CREBRF: variants seen among roughly 807,000 people sequenced by gnomAD.
CREBRF encodes CREB3 regulatory factor.
A neutral mutation model predicts 66.1 loss-of-function variants in CREBRF; 5 were observed. That is an observed-to-expected ratio of 0.08 (90% CI 0.04 to 0.16). The LOEUF is 0.16. Ranked by LOEUF, CREBRF falls within the 10% of genes least tolerant of loss-of-function variation. The pLI is 1.00. For synonymous variants in CREBRF, 229 were observed against 264.4 expected, an observed-to-expected ratio of 0.87 and a Z score of 1.30; for missense variants, 531 against 744.9, an observed-to-expected ratio of 0.71 and a Z score of 3.34.
At chr5:173,107,817 ATTTTTTT>A (rs559120882) in intron 4 of CREBRF, among the ~76,000 whole-genome samples, 36 of 121,842 alleles carry the variant, frequency 3.0e-4, no homozygotes, top group African/African-American at 7.1e-4. Flanking sequence ...TCTCTACAAA[ATTTTTTT>A]TTTTTTTTTT....
intron 7 of CREBRF, among the ~76,000 whole-genome samples, chr5:173,117,647 TC>T (rs1287739568): frequency 5.3e-5 from 2 of 37,706 alleles, no homozygotes; most frequent in Non-Finnish European, 8.0e-5. Context: ...CCTTCTCTCC[TC>T]TCTCTCTCTC....
At chr5:173,086,843 C>T (rs1043067754) in intron 3 of CREBRF, among the ~76,000 whole-genome samples, 1 of 152,082 alleles carries the variant, frequency 6.6e-6, no homozygotes, top group Middle Eastern at 3.4e-3. Context: ...GTGGTGTGAT[C>T]TTGGCTCACT....
In CREBRF at chr5:173,137,225, G is replaced by A. The variant is rs1031813410; in HGVS notation, c.*3480G>A. The A allele has an allele frequency of 2.0e-5, 3 of 151,952 alleles. No individual in the cohort carries two copies. Among genetic ancestry groups the A allele is most frequent in the Non-Finnish European group, 2.9e-5 (2 of 67,922 alleles). The allele number at this position is 151,952 out of a possible 1,614,324, so 9.4% of individuals were successfully genotyped here. ...CTTACTTGTACATTTAAAACTAAAC[G>A]TCTTCATTCCCTTCCACTTCCTACA... On this transcript the variant is annotated 3_prime_UTR_variant, in exon 9 of 9. Transcript: ENST00000296953.
intron 4 of CREBRF, among the ~76,000 whole-genome samples, chr5:173,093,540 A>G (rs888409049): frequency 6.6e-6 from 1 of 152,194 alleles, no homozygotes; most frequent in African/African-American, 2.4e-5. Flanking sequence ...GTTTTGAAAC[A>G]AGATATGGCT....
chr5:173,132,726 A>G (rs867199603), intron 8 of CREBRF, among the ~76,000 whole-genome samples: 3 of 147,350 alleles, frequency 2.0e-5, no homozygotes, highest in Admixed American at 6.8e-5. Flanking sequence ...CAGCCTCCCG[A>G]GTAGCTGGGA....
At chr5:173,063,485 A>G (rs1757343219) in intron 1 of CREBRF, among the ~76,000 whole-genome samples, 1 of 151,988 alleles carries the variant, frequency 6.6e-6, no homozygotes, top group South Asian at 2.1e-4. Context: ...TTCCTGTCTC[A>G]GCCTCCTGAG....
At chr5:173,100,634 G>A (rs751300883) in intron 4 of CREBRF, among the ~76,000 whole-genome samples, 3 of 152,168 alleles carry the variant, frequency 2.0e-5, no homozygotes, top group East Asian at 3.9e-4. Context: ...ATGTTGGCCC[G>A]GCTAGTCTCA....
chr5:173,116,696 C>G (rs940045970), intron 7 of CREBRF, among the ~76,000 whole-genome samples: 1 of 150,942 alleles, frequency 6.6e-6, no homozygotes, highest in Admixed American at 6.6e-5. Context: ...TATTTGTGTA[C>G]AAGTATTTGG....
chr5:173,074,609 AATTTTTATTT>A (rs1757705843), intron 1 of CREBRF, among the ~76,000 whole-genome samples: 2 of 150,974 alleles, frequency 1.3e-5, no homozygotes, highest in African/African-American at 4.9e-5. Flanking sequence ...TATTTTTTAA[AATTTTTATTT>A]ATTTTTATTT....
At chr5:173,074,841 G>A (rs1404739849) in intron 1 of CREBRF, among the ~76,000 whole-genome samples, 1 of 152,010 alleles carries the variant, frequency 6.6e-6, no homozygotes, top group African/African-American at 2.4e-5. Context: ...GGCTGGTCTC[G>A]AACTCCTGAC....
chr5:173,056,695 CCCCGG>C (rs1039809222), intron 1 of CREBRF, among the ~76,000 whole-genome samples: 1 of 152,020 alleles, frequency 6.6e-6, no homozygotes, highest in African/African-American at 2.4e-5. Context: ...CCTCCCCCAC[CCCCGG>C]CCCGGGACGG....
In CREBRF at chr5:173,090,745, A is replaced by G. The variant is rs1397140996; in HGVS notation, c.566A>G (p.Lys189Arg). 1 of 1,614,086 alleles carries G rather than the reference A, an allele frequency of 6.2e-7. No homozygotes were observed. The highest frequency in any genetic ancestry group is 1.3e-5 in the African/African-American group (1 of 74,956). Residue 189 changes from lysine to arginine, a missense_variant, in exon 4 of 9, where the codon AAG (lysine) becomes AGG (arginine). Lys to Arg is a conservative substitution (Grantham distance 26, BLOSUM62 2). Transcript: ENST00000296953. The surrounding 1 kb of genome is among the most constrained non-coding windows in gnomAD (Gnocchi z 4.5). ...SRAAAPVCSS[K>R]TLQAEVPLSD... Reference sequence around the variant, plus strand: ...GCAGCTGCTCCTGTGTGTTCTTCTAAGACTCTGCAGGCTGAGGTCCCTTTG... The same window carrying G: ...GCAGCTGCTCCTGTGTGTTCTTCTAGGACTCTGCAGGCTGAGGTCCCTTTG...
chr5:173,117,605 C>T, intron 7 of CREBRF, among the ~76,000 whole-genome samples: 1 of 57,356 alleles, frequency 1.7e-5, no homozygotes, highest in Non-Finnish European at 4.1e-5. Context: ...TTCCTTCCAT[C>T]CCTCCCTCCC....
chr5:173,090,267 T>C lies in CREBRF; in HGVS notation c.136-48T>C. ...CAGTTTGACATATGGAGGTGAATAT[T>C]TCCTTCTGAAATATGATGTGCAATT... On this transcript the variant is annotated intron_variant, in intron 3 of 8. Coordinates refer to ENST00000296953, the MANE Select transcript of CREBRF (RefSeq NM_153607.3). This position sits in a 1 kb window ranked among gnomAD's most constrained non-coding sequence, Gnocchi z 4.5. The C allele has an allele frequency of 6.7e-7, 1 of 1,482,614 alleles. No individual in the cohort carries two copies. Among genetic ancestry groups the C allele is most frequent in the South Asian group, 1.3e-5 (1 of 75,454 alleles). 91.8% of individuals were successfully genotyped at this position (1,482,614 alleles called of 1,614,324 possible).
intron 1 of CREBRF, among the ~76,000 whole-genome samples, chr5:173,056,787 G>A (rs1213518978): frequency 6.6e-6 from 1 of 151,980 alleles, no homozygotes; most frequent in Non-Finnish European, 1.5e-5. Flanking sequence ...GGCAGCGCCG[G>A]GCGTCCGTCC....
rs70984937 is a variant in CREBRF at position 173,082,908 on chromosome 5, C to CAAAAAAAAAAAAA, written c.9+2150_9+2162dup. Reference sequence around the variant, plus strand: ...TGAGCGACGGAGCGAGACTCTGTCTCAAAAAAAAAAAAAAAAAAAAAAAAA... The same window carrying CAAAAAAAAAAAAA: ...TGAGCGACGGAGCGAGACTCTGTCTCAAAAAAAAAAAAAAAAAAAAAAAAAAAAAAAAAAAAAA... On this transcript the variant is annotated intron_variant, in intron 2 of 8. Transcript: ENST00000296953. 1.2e-3 allele frequency among the ~76,000 whole-genome samples: 34 copies of CAAAAAAAAAAAAA among 29,018 alleles called. 6 individuals carry two copies. Among genetic ancestry groups the CAAAAAAAAAAAAA allele is most frequent in the South Asian group, 4.9e-3 (2 of 408 alleles). The allele number at this position is 29,018 out of a possible 152,430, so 19.0% of individuals were successfully genotyped here. A position where few individuals can be genotyped will look rare whatever the true frequency, so the allele number is the denominator to read the frequency against.
chr5:173,130,030 G>C (rs993289078), intron 8 of CREBRF, among the ~76,000 whole-genome samples: 1 of 152,052 alleles, frequency 6.6e-6, no homozygotes, highest in Non-Finnish European at 1.5e-5. Context: ...TCACCATGTT[G>C]TTCAGGCTGG....
intron 1 of CREBRF, among the ~76,000 whole-genome samples, chr5:173,058,031 G>A (rs929749937): frequency 6.8e-6 from 1 of 146,262 alleles, no homozygotes; most frequent in Non-Finnish European, 1.5e-5. Context: ...TCAAGGCCTG[G>A]AATTTCTTTT....
At chr5:173,068,014 T>G (rs984552319) in intron 1 of CREBRF, 10 of 333,874 alleles carry the variant, frequency 3.0e-5, no homozygotes, top group Non-Finnish European at 4.8e-5. Flanking sequence ...AAAAAAAATC[T>G]TCAGTTAATT....
Sources: gnomAD v4.1 joint callset for allele counts (sites outside exome capture counted in the v4.1 genomes callset) on GRCh38, gnomAD v4.1.1 for gene constraint, Gnocchi (gnomAD v3.1) non-coding constraint, MANE v1.5 for transcripts, NCBI Gene and HGNC (gene_info 2026-07-23, HGNC 2026-07-21) for gene names.